The following MPZL1 variants were observed in gnomAD, a reference collection of about 807,000 sequenced individuals.
MPZL1 encodes the protein myelin protein zero like 1, also known as myelin protein zero-like protein 1.
In MPZL1, 16 loss-of-function variants were observed where a neutral mutation model predicts 29.3. The ratio of observed to expected loss-of-function variants is 0.55; its 90% CI spans 0.37 to 0.83. The LOEUF (loss-of-function observed/expected upper bound fraction) is 0.83, where lower values mean the gene tolerates loss of function less well. Ranked by LOEUF, MPZL1 falls within the 40% of genes least tolerant of loss-of-function variation. The pLI is 0.00. For missense variants in MPZL1, 279 were observed against 332.9 expected, an observed-to-expected ratio of 0.84 and a Z score of 1.26; for synonymous variants, 143 against 132.0, an observed-to-expected ratio of 1.08 and a Z score of -0.57.
Position 167,783,451 on chromosome 1 carries a change from T to C in MPZL1, c.709-4369T>C, listed in dbSNP as rs544972103. On this transcript the variant is annotated intron_variant, in intron 5 of 5. Coordinates refer to ENST00000359523, the MANE Select transcript of MPZL1 (RefSeq NM_003953.6). The stretch of plus-strand genomic sequence containing the variant: ...ATCCTTTTCTGGATATCGTTGATGC[T>C]CTGTATGCAAAAGGTAGGTTTTTGG... Among the ~76,000 whole-genome samples, 9 of 152,386 alleles carry C rather than the reference T, an allele frequency of 5.9e-5. No individual in the cohort carries two copies. The South Asian group carries it at 1.9e-3, about 32-fold the overall frequency.
At chr1:167,724,734 C>T (rs1660106205) in intron 1 of MPZL1, among the ~76,000 whole-genome samples, 1 of 151,988 alleles carries the variant, frequency 6.6e-6, no homozygotes, top group South Asian at 2.1e-4. Context: ...TGGAGATGGG[C>T]AGAAAACAAT....
intron 1 of MPZL1, among the ~76,000 whole-genome samples, chr1:167,757,200 C>G (rs1220125923): frequency 6.6e-6 from 1 of 152,118 alleles, no homozygotes; most frequent in Non-Finnish European, 1.5e-5. Flanking sequence ...GAGTCTGACC[C>G]CACAGTGGCA....
chr1:167,786,144 C>G (rs1661588706), intron 5 of MPZL1, among the ~76,000 whole-genome samples: 1 of 152,156 alleles, frequency 6.6e-6, no homozygotes, highest in African/African-American at 2.4e-5. Context: ...TAGCATTTAA[C>G]TTGTAGCTTT....
At chr1:167,787,755 A>G in intron 5 of MPZL1, 65 bp from the exon 6 acceptor site, 3 of 1,194,850 alleles carry the variant, frequency 2.5e-6, no homozygotes, top group East Asian at 2.3e-5. Context: ...CATTGCTTCT[A>G]TGCCTGTAGC....
intron 1 of MPZL1, among the ~76,000 whole-genome samples, chr1:167,756,100 C>T (rs372082263): frequency 3.3e-5 from 5 of 152,036 alleles, no homozygotes; most frequent in South Asian, 4.2e-4. Flanking sequence ...CGATCATGAG[C>T]GGAAGGAATT....
chr1:167,754,464 A>G (rs1660826529), intron 1 of MPZL1, among the ~76,000 whole-genome samples: 1 of 152,240 alleles, frequency 6.6e-6, no homozygotes, highest in South Asian at 2.1e-4. Flanking sequence ...TCAGGCTGCC[A>G]GTGCAGTCTT....
chr1:167,722,209 C>T lies in MPZL1; in HGVS notation c.58C>T (p.Leu20=). The T allele has an allele frequency of 8.1e-7, 1 of 1,239,378 alleles. No homozygotes were observed. Among genetic ancestry groups the T allele is most frequent in the Non-Finnish European group, 1.0e-6 (1 of 987,956 alleles). The allele number at this position is 1,239,378 out of a possible 1,614,324, so 76.8% of individuals were successfully genotyped here. Residue 20 remains leucine (L), a synonymous_variant, in exon 1 of 6, where the codon CTG becomes TTG. Coordinates refer to ENST00000359523, the MANE Select transcript of MPZL1 (RefSeq NM_003953.6). ...TGCAGCCCCAGACAGCCGGCGCTGG[C>T]TGTGGTCGGTGCTGGCGGCGGCGCT... is the stretch of plus-strand genomic sequence containing the variant. ...VIAAPDSRRW[L]WSVLAAALGL...
rs547849610 is a variant in MPZL1, at chr1:167,784,268, A to G, written c.709-3552A>G. On this transcript the variant is annotated intron_variant, in intron 5 of 5. Transcript: ENST00000359523. ...GTTTCTTGAAACATTTTCAATAGCT[A>G]AGGCCTATTCATGCAGAAAGTAGCT... Among the ~76,000 whole-genome samples, 5 of 152,282 alleles carry G rather than the reference A, an allele frequency of 3.3e-5. No homozygotes were observed. In the East Asian group the frequency reaches 9.6e-4, roughly 29 times the overall value.
chr1:167,723,349 A>G (rs1179662528), intron 1 of MPZL1, among the ~76,000 whole-genome samples: 1 of 152,262 alleles, frequency 6.6e-6, no homozygotes, highest in Non-Finnish European at 1.5e-5. Context: ...GTTCTGTTGG[A>G]TCACCAACTG....
intron 1 of MPZL1, among the ~76,000 whole-genome samples, chr1:167,758,704 A>G (rs532275294): frequency 2.0e-5 from 3 of 152,182 alleles, no homozygotes; most frequent in East Asian, 3.9e-4. Flanking sequence ...TTGATTTCCT[A>G]TTTTAAGGGT....
intron 1 of MPZL1, among the ~76,000 whole-genome samples, chr1:167,745,721 C>G (rs963712468): frequency 6.6e-6 from 1 of 151,844 alleles, no homozygotes; most frequent in African/African-American, 2.4e-5. Flanking sequence ...AAATTCTGAG[C>G]TAAGAAACAA....
At chr1:167,722,737 T>C (rs531931914) in intron 1 of MPZL1, among the ~76,000 whole-genome samples, 2 of 152,356 alleles carry the variant, frequency 1.3e-5, no homozygotes, top group Admixed American at 1.3e-4. Flanking sequence ...GGTTTTGTTG[T>C]AAGTTCCCTT....
At chr1:167,768,478 C>G (rs1212144457) in intron 2 of MPZL1, among the ~76,000 whole-genome samples, 1 of 151,900 alleles carries the variant, frequency 6.6e-6, no homozygotes, top group Non-Finnish European at 1.5e-5. Context: ...TGACAGTTTT[C>G]CTCTTCTTCC....
intron 5 of MPZL1, among the ~76,000 whole-genome samples, chr1:167,776,694 G>A (rs1196079827): frequency 1.3e-5 from 2 of 152,216 alleles, no homozygotes; most frequent in East Asian, 3.8e-4. Flanking sequence ...CTTGTAGAAA[G>A]TACAGAAGAG....
At chr1:167,756,649 T>C (rs944078232) in intron 1 of MPZL1, among the ~76,000 whole-genome samples, 1 of 152,212 alleles carries the variant, frequency 6.6e-6, no homozygotes, top group African/African-American at 2.4e-5. Flanking sequence ...AAGTTGATTT[T>C]TATGGCTGAG....
At chr1:167,734,514 A>G (rs539325672) in intron 1 of MPZL1, among the ~76,000 whole-genome samples, 13 of 152,246 alleles carry the variant, frequency 8.5e-5, no homozygotes, top group Non-Finnish European at 1.6e-4. Flanking sequence ...CGTTCCCTCC[A>G]CCATGATCCC....
At chr1:167,753,521 G>C (rs991213315) in intron 1 of MPZL1, among the ~76,000 whole-genome samples, 17 of 152,168 alleles carry the variant, frequency 1.1e-4, no homozygotes, top group African/African-American at 4.1e-4. Context: ...AAAAGGCGAA[G>C]TATTTCTTTC....
chr1:167,758,865 G>A (rs139371987), intron 1 of MPZL1, among the ~76,000 whole-genome samples: 1 of 152,106 alleles, frequency 6.6e-6, no homozygotes, highest in East Asian at 1.9e-4. Flanking sequence ...GCAGGATTCG[G>A]TACTCCTTAT....
At chr1:167,725,653 T>G (rs563987161) in intron 1 of MPZL1, among the ~76,000 whole-genome samples, 9 of 151,914 alleles carry the variant, frequency 5.9e-5, no homozygotes, top group Non-Finnish European at 1.2e-4. Context: ...GCCCAGCTAA[T>G]TTTTGTATTT....
Sources: gnomAD v4.1 joint callset for allele counts (sites outside exome capture counted in the v4.1 genomes callset) on GRCh38, gnomAD v4.1.1 for gene constraint, MANE v1.5 for transcripts, NCBI Gene and HGNC (gene_info 2026-07-23, HGNC 2026-07-21) for gene names.